The following GLRB variants were observed in gnomAD, a reference collection of about 807,000 sequenced individuals.
GLRB encodes the protein glycine receptor subunit beta.
Under a neutral mutation model 54.2 loss-of-function variants are expected in GLRB, and 33 were observed. That is an observed-to-expected ratio of 0.61 (90% CI 0.46 to 0.81). The LOEUF (loss-of-function observed/expected upper bound fraction) is 0.81, where lower values mean the gene tolerates loss of function less well. Ranked by LOEUF, GLRB falls within the 40% of genes least tolerant of loss-of-function variation. GLRB has a pLI of 0.00. For missense variants in GLRB, 572 were observed against 584.6 expected, an observed-to-expected ratio of 0.98 and a Z score of 0.22; for synonymous variants, 209 against 208.2, an observed-to-expected ratio of 1.00 and a Z score of -0.03.
intron 9 of GLRB, among the ~76,000 whole-genome samples, chr4:157,155,880 C>G (rs780791166): frequency 5.3e-5 from 8 of 151,754 alleles, no homozygotes; most frequent in Non-Finnish European, 1.0e-4. Context: ...GTGTACTTTT[C>G]CTGCCTTGCC....
At chr4:157,141,410 A>T (rs918248325) in intron 7 of GLRB, among the ~76,000 whole-genome samples, 3 of 151,984 alleles carry the variant, frequency 2.0e-5, no homozygotes, top group Admixed American at 2.0e-4. Context: ...AAAATGGGAA[A>T]GTATAAATAT....
intron 2 of GLRB, among the ~76,000 whole-genome samples, chr4:157,078,472 T>C (rs908328992): frequency 6.6e-6 from 1 of 152,108 alleles, no homozygotes; most frequent in African/African-American, 2.4e-5. Context: ...GATACTGATA[T>C]ACTGTGTTTT....
intron 4 of GLRB, among the ~76,000 whole-genome samples, chr4:157,125,213 C>CAAAACAAACAAAAATAATA (rs1363826451): frequency 6.6e-6 from 1 of 151,630 alleles, no homozygotes; most frequent in African/African-American, 2.4e-5. Context: ...GATACTTCTT[C>CAAAACAAACAAAAATAATA]AAAACAAACA....
chr4:157,112,999 G>C (rs193046188), intron 2 of GLRB, among the ~76,000 whole-genome samples: 21 of 151,876 alleles, frequency 1.4e-4, no homozygotes, highest in African/African-American at 4.6e-4. Context: ...AGCTCACAGA[G>C]GGTAAGTGCT....
At chr4:157,089,473 C>T (rs1281871063) in intron 2 of GLRB, among the ~76,000 whole-genome samples, 1 of 152,014 alleles carries the variant, frequency 6.6e-6, no homozygotes, top group Non-Finnish European at 1.5e-5. Context: ...TATTTTAGGT[C>T]CTTGTTATTA....
rs1736712095 is a variant in GLRB at position 157,143,956 on chromosome 4, C to A, written c.901C>A (p.Leu301Met). 1 of 1,613,676 alleles carries A rather than the reference C, an allele frequency of 6.2e-7. No individual in the cohort carries two copies. The highest frequency in any genetic ancestry group is 1.1e-5 in the South Asian group (1 of 91,076). Residue 301 changes from leucine to methionine, a missense_variant, in exon 8 of 10, where the codon CTG (leucine) becomes ATG (methionine). Physicochemically the swap from Leu to Met is conservative, Grantham distance 15. Transcript: ENST00000264428. The part of the protein sequence containing the change: ...NPDASAARVP[L>M]GIFSVLSLAS... ...GGACGCGAGTGCTGCCAGAGTGCCC[C>A]TGGGTAAGGTGTTCCATGCTTTTTT...
chr4:157,147,332 C>T (rs753332843), intron 8 of GLRB, among the ~76,000 whole-genome samples: 2 of 152,074 alleles, frequency 1.3e-5, no homozygotes, highest in African/African-American at 4.8e-5. Flanking sequence ...ACCAACTGTT[C>T]ATGGATCAAT....
chr4:157,148,842 C>T (rs980528135), intron 8 of GLRB, among the ~76,000 whole-genome samples: 5 of 151,936 alleles, frequency 3.3e-5, no homozygotes, highest in African/African-American at 7.2e-5. Context: ...GTATCATTAC[C>T]GTCAAGTTGG....
At chr4:157,105,166 C>G (rs1735177866) in intron 2 of GLRB, among the ~76,000 whole-genome samples, 1 of 151,528 alleles carries the variant, frequency 6.6e-6, no homozygotes, top group Non-Finnish European at 1.5e-5. Context: ...TCTTGTCTAA[C>G]ATAGACATTT....
chr4:157,143,126 G>GA, intron 7 of GLRB, among the ~76,000 whole-genome samples: 1 of 152,080 alleles, frequency 6.6e-6, no homozygotes. Context: ...CTTGGCATGT[G>GA]AAAATGAAAG....
intron 9 of GLRB, among the ~76,000 whole-genome samples, chr4:157,153,253 AC>A (rs1017266131): frequency 6.6e-6 from 1 of 152,152 alleles, no homozygotes; most frequent in Non-Finnish European, 1.5e-5. Context: ...TTTTTTGAGG[AC>A]TTTGCACTGA....
Position 157,077,981 on chromosome 4 carries a change from T to A in GLRB, c.-29-15T>A. ...TTCTTCATAAATGTAAACATTTTCT[T>A]GTTCTCTCTTGTAGATCGATCTTCT... On this transcript the variant is annotated splice_polypyrimidine_tract_variant and intron_variant, in intron 1 of 9. Coordinates refer to ENST00000264428, the MANE Select transcript of GLRB (RefSeq NM_000824.5). 6.5e-7 allele frequency: 1 copy of A among 1,543,102 alleles called. No homozygotes were observed. Among genetic ancestry groups the A allele is most frequent in the South Asian group, 1.1e-5 (1 of 88,614 alleles).
intron 9 of GLRB, among the ~76,000 whole-genome samples, chr4:157,163,724 G>T (rs1737603774): frequency 6.6e-6 from 1 of 152,110 alleles, no homozygotes; most frequent in African/African-American, 2.4e-5. Flanking sequence ...GATTATATGA[G>T]ACAAAAGGGG....
chr4:157,079,739 A>G (rs2126414497), intron 2 of GLRB, among the ~76,000 whole-genome samples: 1 of 152,298 alleles, frequency 6.6e-6, no homozygotes, highest in East Asian at 1.9e-4. Flanking sequence ...TTGTGCCACA[A>G]GCTGGAGATT....
intron 2 of GLRB, among the ~76,000 whole-genome samples, chr4:157,091,986 A>T (rs761551927): frequency 6.6e-6 from 1 of 152,204 alleles, no homozygotes; most frequent in Non-Finnish European, 1.5e-5. Context: ...AAAATCAATG[A>T]TGATAAATTT....
intron 4 of GLRB, among the ~76,000 whole-genome samples, chr4:157,125,572 A>G (rs981676806): frequency 6.6e-6 from 1 of 151,796 alleles, no homozygotes; most frequent in African/African-American, 2.4e-5. Context: ...TAGCAGTCCT[A>G]CTGTATATGT....
intron 2 of GLRB, among the ~76,000 whole-genome samples, chr4:157,118,183 C>T (rs116622444): frequency 0.02 from 2,980 of 151,716 alleles, 77 homozygotes; most frequent in African/African-American, 0.066. Context: ...TAATTGTCTT[C>T]ATGTTGTCTT....
At chr4:157,107,063 T>C (rs1292602461) in intron 2 of GLRB, among the ~76,000 whole-genome samples, 2 of 152,088 alleles carry the variant, frequency 1.3e-5, no homozygotes, top group Non-Finnish European at 2.9e-5. Context: ...CAATGAACTT[T>C]GGTGTTACTG....
intron 8 of GLRB, among the ~76,000 whole-genome samples, chr4:157,147,056 A>C (rs1248650428): frequency 6.6e-6 from 1 of 152,168 alleles, no homozygotes; most frequent in African/African-American, 2.4e-5. Flanking sequence ...TGCTTTAGAC[A>C]CGTTAAGGTT....
Sources: allele counts gnomAD v4.1 joint callset (sites outside exome capture counted in the v4.1 genomes callset), GRCh38; gene constraint gnomAD v4.1.1; transcripts MANE v1.5; gene names NCBI Gene and HGNC (gene_info 2026-07-23, HGNC 2026-07-21).